Variants in SYN3 observed in about 807,000 individuals in gnomAD.
SYN3 encodes the protein synapsin-3.
Under a neutral mutation model 65.8 loss-of-function variants are expected in SYN3, and 35 were observed. The observed-to-expected ratio is 0.53, with a 90% CI of 0.41 to 0.70. The LOEUF (loss-of-function observed/expected upper bound fraction) is 0.70, where lower values mean the gene tolerates loss of function less well. Ranked by LOEUF, SYN3 falls within the 30% of genes least tolerant of loss-of-function variation. The probability of loss-of-function intolerance (pLI) is 0.00; values close to 1 mark genes in which losing one functional copy is unlikely to be tolerated. For synonymous variants in SYN3, 270 were observed against 292.9 expected (o/e 0.92, Z 0.80); for missense variants, 680 against 749.0 (o/e 0.91, Z 1.08).
intron 4 of SYN3, among the ~76,000 whole-genome samples, chr22:32,928,497 C>T (rs576893305): frequency 2.4e-4 from 36 of 152,298 alleles, no homozygotes; most frequent in African/African-American, 8.2e-4. Context: ...AGATCTCATG[C>T]AATTTATTAA....
chr22:32,793,545 G>A (rs2046366503), intron 6 of SYN3, among the ~76,000 whole-genome samples: 2 of 152,132 alleles, frequency 1.3e-5, no homozygotes, highest in Non-Finnish European at 2.9e-5. Context: ...GAGCTCCTTG[G>A]GAACAGTTCT....
intron 3 of SYN3, among the ~76,000 whole-genome samples, chr22:32,961,184 T>A (rs1302109859): frequency 6.6e-6 from 1 of 152,202 alleles, no homozygotes; most frequent in African/African-American, 2.4e-5. Flanking sequence ...TCCCCTGTTG[T>A]GACAACCAAA....
intron 3 of SYN3, among the ~76,000 whole-genome samples, chr22:32,941,998 T>C (rs1017865074): frequency 1.3e-5 from 2 of 152,196 alleles, no homozygotes; most frequent in Non-Finnish European, 2.9e-5. Flanking sequence ...CCTGCCTACC[T>C]CTGTAGACTC....
intron 6 of SYN3, among the ~76,000 whole-genome samples, chr22:32,659,368 G>A (rs1201184749): frequency 6.6e-6 from 1 of 152,132 alleles, no homozygotes; most frequent in Non-Finnish European, 1.5e-5. Flanking sequence ...ATTGTTACAT[G>A]TAAGCCAGAT....
At chr22:32,940,035 T>G (rs1162561990) in intron 3 of SYN3, among the ~76,000 whole-genome samples, 1 of 152,214 alleles carries the variant, frequency 6.6e-6, no homozygotes, top group Non-Finnish European at 1.5e-5. Flanking sequence ...GTTTTTAATT[T>G]TAGCCATTCT....
chr22:32,731,120 T>A (rs967172470), intron 6 of SYN3, among the ~76,000 whole-genome samples: 3 of 152,160 alleles, frequency 2.0e-5, no homozygotes, highest in Non-Finnish European at 4.4e-5. Context: ...CACCCAGGCA[T>A]CCCTAGTGCT....
chr22:32,808,365 G>C (rs1489432773), intron 6 of SYN3, among the ~76,000 whole-genome samples: 2 of 152,198 alleles, frequency 1.3e-5, no homozygotes. Context: ...TGGCACTTGG[G>C]TGAGAGCAGT....
At position 32,980,831 on chromosome 22, in the gene SYN3, C is replaced by T. The variant is rs540314942; in HGVS notation, c.312-129G>A. 3.9e-5 allele frequency: 29 copies of T among 737,124 alleles called. No homozygotes were observed. The African/African-American group carries it at 4.6e-4, about 12-fold the overall frequency. 45.7% of individuals were successfully genotyped at this position (737,124 alleles called of 1,614,324 possible). A position where few individuals can be genotyped will look rare whatever the true frequency, so the allele number is the denominator to read the frequency against. ...TCAGCCATCCTACTGTCTCCTCCCACCTTCACTACTGATTTTCTCAGTCTT... is the reference window on the plus strand; with the variant it reads ...TCAGCCATCCTACTGTCTCCTCCCATCTTCACTACTGATTTTCTCAGTCTT... On this transcript the variant is annotated intron_variant, in intron 2 of 13. Coordinates refer to ENST00000358763, the MANE Select transcript of SYN3 (RefSeq NM_003490.4).
At chr22:32,790,306 CATAA>C (rs1329629137) in intron 6 of SYN3, among the ~76,000 whole-genome samples, 10 of 152,030 alleles carry the variant, frequency 6.6e-5, no homozygotes, top group African/African-American at 2.4e-5. Context: ...ACCCTGAAAG[CATAA>C]ATAAGAGTAT....
At chr22:32,929,443 T>C (rs1308406147) in intron 4 of SYN3, among the ~76,000 whole-genome samples, 2 of 152,210 alleles carry the variant, frequency 1.3e-5, no homozygotes, top group Non-Finnish European at 2.9e-5. Flanking sequence ...TCTGTCTCCA[T>C]TGTCTATTGT....
At chr22:32,517,411 C>T (rs1369207410) in intron 13 of SYN3, among the ~76,000 whole-genome samples, 1 of 152,200 alleles carries the variant, frequency 6.6e-6, no homozygotes, top group Non-Finnish European at 1.5e-5. Context: ...TGTGTGAGGC[C>T]TTCTTGGACC....
intron 6 of SYN3, among the ~76,000 whole-genome samples, chr22:32,758,051 T>C (rs1009869232): frequency 6.6e-6 from 1 of 152,250 alleles, no homozygotes; most frequent in African/African-American, 2.4e-5. Flanking sequence ...ATTTATACAC[T>C]TGTACTAAGA....
chr22:32,586,686 C>T (rs2059047940), intron 7 of SYN3, among the ~76,000 whole-genome samples: 1 of 152,090 alleles, frequency 6.6e-6, no homozygotes. Context: ...CCACTCTGAG[C>T]AGGTCCGTGA....
At chr22:32,630,200 T>C (rs996985968) in intron 6 of SYN3, among the ~76,000 whole-genome samples, 2 of 151,990 alleles carry the variant, frequency 1.3e-5, no homozygotes, top group Non-Finnish European at 2.9e-5. Flanking sequence ...GCCAAGATGA[T>C]CTCCATCTCT....
intron 4 of SYN3, among the ~76,000 whole-genome samples, chr22:32,912,731 A>C (rs1052497500): frequency 1.3e-5 from 2 of 152,120 alleles, no homozygotes; most frequent in Admixed American, 6.5e-5. Flanking sequence ...TAAAAAAAAA[A>C]AGTCTCACTC....
chr22:32,797,848 T>C (rs919727421), intron 6 of SYN3, among the ~76,000 whole-genome samples: 20 of 152,204 alleles, frequency 1.3e-4, no homozygotes, highest in Non-Finnish European at 4.4e-5. Context: ...CCATGGAATC[T>C]TGGAGTTTTT....
intron 6 of SYN3, among the ~76,000 whole-genome samples, chr22:32,702,244 G>A (rs1394043690): frequency 1.3e-5 from 2 of 152,180 alleles, no homozygotes; most frequent in African/African-American, 4.8e-5. Context: ...TTGGGAGGCT[G>A]AGGCGGGTGG....
At chr22:32,605,007 GAAAA>G (rs543726592) in intron 6 of SYN3, among the ~76,000 whole-genome samples, 2 of 91,156 alleles carry the variant, frequency 2.2e-5, no homozygotes, top group African/African-American at 8.8e-5. Context: ...CTCCATCTCA[GAAAA>G]AAAAAAAAAA....
intron 7 of SYN3, among the ~76,000 whole-genome samples, chr22:32,595,963 C>T (rs2059193003): frequency 6.6e-6 from 1 of 152,152 alleles, no homozygotes; most frequent in African/African-American, 2.4e-5. Flanking sequence ...TGCAGTCCCA[C>T]CTACTTGGGA....
Sources: allele counts gnomAD v4.1 joint callset (sites outside exome capture counted in the v4.1 genomes callset), GRCh38; gene constraint gnomAD v4.1.1; transcripts MANE v1.5; gene names NCBI Gene and HGNC (gene_info 2026-07-23, HGNC 2026-07-21).